Variants in GRIP1 observed in about 807,000 individuals in gnomAD.
GRIP1 encodes glutamate receptor interacting protein 1.
A neutral mutation model predicts 129.9 loss-of-function variants in GRIP1; 45 were observed. The ratio of observed to expected loss-of-function variants is 0.35; its 90% CI spans 0.27 to 0.44. The LOEUF (loss-of-function observed/expected upper bound fraction) is 0.44. Among genes scored for constraint, GRIP1 ranks in the 20% least tolerant of loss-of-function variants. GRIP1 has a pLI of 1.00. For synonymous variants in GRIP1, 530 were observed against 520.8 expected (o/e 1.02, Z -0.24); for missense variants, 1,196 against 1,396.8 (o/e 0.86, Z 2.29).
intron 1 of GRIP1, among the ~76,000 whole-genome samples, chr12:66,845,561 T>G (rs1468039162): frequency 6.6e-6 from 1 of 152,226 alleles, no homozygotes; most frequent in African/African-American, 2.4e-5. Context: ...TTTAAAGTTC[T>G]GTCTTCCCAA....
chr12:66,691,789 G>A lies in GRIP1; in HGVS notation c.-419-61453C>T, dbSNP rs530800620. Among the ~76,000 whole-genome samples, 126 of 152,030 alleles carry A rather than the reference G, an allele frequency of 8.3e-4. 1 individual carries two copies. Among genetic ancestry groups the A allele is most frequent in the Admixed American group, 1.9e-3 (29 of 15,250 alleles). ...AGATTCTCTCTCTTAACTTGTTTGCGTAGGGAAATGCAGGCGCTTAATTGA... is the reference window on the plus strand; with the variant it reads ...AGATTCTCTCTCTTAACTTGTTTGCATAGGGAAATGCAGGCGCTTAATTGA... On this transcript the variant is annotated intron_variant, in intron 1 of 4. Transcript: ENST00000538373.
chr12:66,945,199 T>A (rs1486764953), intron 1 of GRIP1, among the ~76,000 whole-genome samples: 1 of 152,204 alleles, frequency 6.6e-6, no homozygotes, highest in Non-Finnish European at 1.5e-5. Context: ...CAGGAGTCCA[T>A]GTGCAGGTTT....
At chr12:66,612,953 T>A (rs1055802825) in intron 1 of GRIP1, among the ~76,000 whole-genome samples, 1 of 152,152 alleles carries the variant, frequency 6.6e-6, no homozygotes, top group Non-Finnish European at 1.5e-5. Flanking sequence ...AAAGACAGCA[T>A]CCAAACAACA....
At chr12:66,513,121 A>G (rs61925954) in intron 7 of GRIP1, among the ~76,000 whole-genome samples, 14,271 of 152,144 alleles carry the variant, frequency 0.094, 831 homozygotes, top group Non-Finnish European at 0.13. Flanking sequence ...ATGTTTGACT[A>G]TACCTCTGGT....
chr12:66,725,619 T>C (rs554997616), intron 1 of GRIP1, among the ~76,000 whole-genome samples: 2 of 152,186 alleles, frequency 1.3e-5, no homozygotes, highest in African/African-American at 4.8e-5. Context: ...CAGAATCAAA[T>C]ATTAGAGCTA....
At chr12:66,837,912 G>C (rs1372444894) in intron 1 of GRIP1, among the ~76,000 whole-genome samples, 1 of 152,182 alleles carries the variant, frequency 6.6e-6, no homozygotes, top group Non-Finnish European at 1.5e-5. Context: ...TCCAGCAGGA[G>C]GCTGGGCGCG....
intron 1 of GRIP1, among the ~76,000 whole-genome samples, chr12:66,707,503 T>TAAAAAAAAA (rs58564255): frequency 1.6e-5 from 1 of 64,040 alleles, no homozygotes; most frequent in Admixed American, 1.9e-4. Context: ...AATCACTGAC[T>TAAAAAAAAA]AAAAAAAAAA....
intron 5 of GRIP1, among the ~76,000 whole-genome samples, chr12:66,528,877 C>G (rs1396268559): frequency 6.6e-6 from 1 of 152,040 alleles, no homozygotes; most frequent in African/African-American, 2.4e-5. Flanking sequence ...GAGAGAAAAT[C>G]TTTACAACCA....
intron 19 of GRIP1, among the ~76,000 whole-genome samples, chr12:66,391,620 G>C (rs2056590275): frequency 6.6e-6 from 1 of 152,244 alleles, no homozygotes; most frequent in South Asian, 2.1e-4. Context: ...GGGAGGCCAA[G>C]ATGGGAGGAT....
intron 1 of GRIP1, among the ~76,000 whole-genome samples, chr12:66,606,188 A>AAATAGGTG (rs1350647245): frequency 2.6e-5 from 4 of 152,304 alleles, no homozygotes; most frequent in South Asian, 2.1e-4. Flanking sequence ...TAAAACAGTG[A>AAATAGGTG]AATAGGTGAT....
intron 1 of GRIP1, among the ~76,000 whole-genome samples, chr12:66,972,674 C>T (rs2042091526): frequency 1.3e-5 from 2 of 152,202 alleles, no homozygotes; most frequent in Admixed American, 1.3e-4. Context: ...CATTAACGAC[C>T]TGTCCTCAAG....
intron 1 of GRIP1, among the ~76,000 whole-genome samples, chr12:66,650,507 A>T (rs1159133636): frequency 6.6e-6 from 1 of 152,178 alleles, no homozygotes; most frequent in Non-Finnish European, 1.5e-5. Flanking sequence ...CAGTAAGATG[A>T]GTTGCATAGC....
chr12:66,943,349 G>C (rs1255539317), intron 1 of GRIP1, among the ~76,000 whole-genome samples: 1 of 152,202 alleles, frequency 6.6e-6, no homozygotes, highest in Non-Finnish European at 1.5e-5. Flanking sequence ...GGGATGAGGA[G>C]AGAGAGCACG....
At chr12:66,438,200 G>C (rs1327478002) in intron 13 of GRIP1, among the ~76,000 whole-genome samples, 2 of 152,180 alleles carry the variant, frequency 1.3e-5, no homozygotes, top group African/African-American at 2.4e-5. Context: ...CAGCTGACTA[G>C]AAGGGTAGGA....
chr12:66,749,660 C>G (rs1592806337), intron 1 of GRIP1, among the ~76,000 whole-genome samples: 2 of 152,260 alleles, frequency 1.3e-5, no homozygotes, highest in African/African-American at 4.8e-5. Context: ...CATTTCCCAG[C>G]CTCCCCTGCA....
chr12:66,373,560 A>G (rs1490344907), intron 22 of GRIP1, among the ~76,000 whole-genome samples: 2 of 152,214 alleles, frequency 1.3e-5, no homozygotes, highest in Non-Finnish European at 2.9e-5. Context: ...ATAGTTCCCA[A>G]ATTCACCTGG....
intron 1 of GRIP1, among the ~76,000 whole-genome samples, chr12:66,983,969 CAGA>C (rs1352292633): frequency 2.6e-5 from 4 of 152,068 alleles, no homozygotes; most frequent in Non-Finnish European, 5.9e-5. Flanking sequence ...TTGCAGCACA[CAGA>C]AGATGTTGAT....
chr12:66,785,343 C>CATATATATATATATATATATATATATAT (rs199738180), intron 1 of GRIP1, among the ~76,000 whole-genome samples: 65 of 72,730 alleles, frequency 8.9e-4, no homozygotes, highest in Non-Finnish European at 1.2e-3. Flanking sequence ...TACATACATA[C>CATATATATATATATATATATATATATAT]ATATATATAT....
At chr12:67,053,139 T>A (rs933974530) in intron 1 of GRIP1, among the ~76,000 whole-genome samples, 1 of 152,176 alleles carries the variant, frequency 6.6e-6, no homozygotes, top group East Asian at 1.9e-4. Flanking sequence ...TTAAATAGTC[T>A]GCAGGAGGAA....
Sources: gnomAD v4.1 joint callset for allele counts (sites outside exome capture counted in the v4.1 genomes callset) on GRCh38, gnomAD v4.1.1 for gene constraint, MANE v1.5 for transcripts, NCBI Gene and HGNC (gene_info 2026-07-23, HGNC 2026-07-21) for gene names.